The following LRRC4C variants were observed in gnomAD, a reference collection of about 807,000 sequenced individuals.
LRRC4C encodes the protein leucine-rich repeat-containing protein 4C.
LRRC4C carries 5 observed loss-of-function variants against 33.6 expected under a neutral mutation model. The ratio of observed to expected loss-of-function variants is 0.15; its 90% CI spans 0.08 to 0.31. The LOEUF is 0.31. Among genes scored for constraint, LRRC4C ranks in the 10% least tolerant of loss-of-function variants. LRRC4C has a pLI of 1.00. For missense variants in LRRC4C, 560 were observed against 796.7 expected (o/e 0.70, Z 3.58); for synonymous variants, 329 against 302.0 (o/e 1.09, Z -0.93).
intron 4 of LRRC4C, among the ~76,000 whole-genome samples, chr11:40,269,194 A>T (rs185427031): frequency 6.6e-6 from 1 of 152,322 alleles, no homozygotes; most frequent in East Asian, 1.9e-4. Flanking sequence ...ATGAGAAGCA[A>T]CAGCAATGGT....
At chr11:40,924,552 G>C (rs550253539) in intron 2 of LRRC4C, among the ~76,000 whole-genome samples, 1 of 152,212 alleles carries the variant, frequency 6.6e-6, no homozygotes, top group East Asian at 1.9e-4. Flanking sequence ...TGCAGTTAGA[G>C]AGAAAAAATA....
chr11:41,021,602 A>G (rs778342484), intron 1 of LRRC4C, among the ~76,000 whole-genome samples: 15 of 152,084 alleles, frequency 9.9e-5, no homozygotes, highest in Non-Finnish European at 1.8e-4. Flanking sequence ...TAGATATTCT[A>G]TCTCAAGATA....
chr11:40,162,907 C>G (rs1464167227), intron 5 of LRRC4C, among the ~76,000 whole-genome samples: 1 of 152,210 alleles, frequency 6.6e-6, no homozygotes, highest in Admixed American at 6.5e-5. Context: ...TAACTCTCAA[C>G]TCTCAGCCTT....
chr11:40,695,880 A>T (rs1185597277), intron 2 of LRRC4C, among the ~76,000 whole-genome samples: 1 of 151,904 alleles, frequency 6.6e-6, no homozygotes, highest in African/African-American at 2.4e-5. Context: ...ATTTAATCAC[A>T]TCTTCATAGT....
chr11:40,436,725 C>T (rs1951155035), intron 3 of LRRC4C, among the ~76,000 whole-genome samples: 2 of 152,174 alleles, frequency 1.3e-5, no homozygotes, highest in Non-Finnish European at 2.9e-5. Context: ...CGTAACACAC[C>T]AGCTGAGCTG....
intron 1 of LRRC4C, among the ~76,000 whole-genome samples, chr11:41,412,566 T>C (rs1954530318): frequency 6.6e-6 from 1 of 152,206 alleles, no homozygotes; most frequent in Non-Finnish European, 1.5e-5. Context: ...ACATCTTTCG[T>C]CTGTTCATTA....
At chr11:40,400,386 T>C (rs1004279488) in intron 3 of LRRC4C, among the ~76,000 whole-genome samples, 3 of 152,156 alleles carry the variant, frequency 2.0e-5, no homozygotes, top group African/African-American at 2.4e-5. Flanking sequence ...TTCTCTTTCA[T>C]CATTTTAAAA....
intron 3 of LRRC4C, among the ~76,000 whole-genome samples, chr11:40,354,074 A>T (rs1947543538): frequency 6.6e-6 from 1 of 152,166 alleles, no homozygotes; most frequent in South Asian, 2.1e-4. Context: ...GCATAAGGGG[A>T]CATCCTAAAT....
chr11:40,994,985 C>T (rs1018057972), intron 1 of LRRC4C, among the ~76,000 whole-genome samples: 2 of 152,036 alleles, frequency 1.3e-5, no homozygotes, highest in Admixed American at 1.3e-4. Context: ...GCAAAAATGG[C>T]CAGAGGTGAA....
chr11:40,656,239 A>T (rs779892062), intron 2 of LRRC4C, among the ~76,000 whole-genome samples: 1 of 150,590 alleles, frequency 6.6e-6, no homozygotes, highest in African/African-American at 2.4e-5. Flanking sequence ...TTGTCCACTC[A>T]TCTCTAATCC....
chr11:41,059,210 G>GTTTTTTTTTGTT (rs1555056812), intron 1 of LRRC4C, among the ~76,000 whole-genome samples: 2 of 125,220 alleles, frequency 1.6e-5, no homozygotes, highest in South Asian at 5.1e-4. Context: ...TAAAATAAAA[G>GTTTTTTTTTGTT]TTTTTTTTTT....
At chr11:41,297,785 A>G (rs955384415) in intron 1 of LRRC4C, among the ~76,000 whole-genome samples, 1 of 152,230 alleles carries the variant, frequency 6.6e-6, no homozygotes, top group Non-Finnish European at 1.5e-5. Context: ...ATCCTTTTCA[A>G]TATAATGATA....
chr11:40,711,137 C>T lies in LRRC4C; in HGVS notation c.-406-62859G>A, dbSNP rs1371917233. On this transcript the variant is annotated intron_variant, in intron 2 of 6. Coordinates refer to ENST00000528697, the MANE Select transcript of LRRC4C (RefSeq NM_001258419.2). ...GCTAGGAAAGGGAAATCCCCCGACC[C>T]CTTTCGCTTCCCGGGTGAAGTGACG... 2.0e-5 allele frequency among the ~76,000 whole-genome samples: 3 copies of T among 152,224 alleles called. No homozygotes were observed. The East Asian group carries it at 5.8e-4, about 29-fold the overall frequency.
chr11:40,971,067 A>C (rs181589142), intron 1 of LRRC4C, among the ~76,000 whole-genome samples: 2,212 of 152,318 alleles, frequency 0.015, 56 homozygotes, highest in African/African-American at 0.051. Context: ...GAAAATTTGC[A>C]GCCTGGCCAT....
rs1951456064 is a variant in LRRC4C, at chr11:41,336,438, TG to T, written c.-496+122992del. ...TTCAGTGGGAAAAAAAAATAAAAGGTGGGGAAAAAAAAAAATATCGGGGGCC... is the reference window on the plus strand; with the variant it reads ...TTCAGTGGGAAAAAAAAATAAAAGGTGGGAAAAAAAAAAATATCGGGGGCC... On this transcript the variant is annotated intron_variant, in intron 1 of 6. Transcript: ENST00000528697. Among the ~76,000 whole-genome samples the T allele has an allele frequency of 3.4e-5, 4 of 116,006 alleles. No individual in the cohort carries two copies. In the South Asian group the frequency reaches 1.0e-3, roughly 29 times the overall value. The allele number at this position is 116,006 out of a possible 152,430, so 76.1% of individuals were successfully genotyped here. A position where few individuals can be genotyped will look rare whatever the true frequency, so the allele number is the denominator to read the frequency against.
At chr11:40,749,458 CAAA>C (rs68018605) in intron 2 of LRRC4C, among the ~76,000 whole-genome samples, 46 of 125,342 alleles carry the variant, frequency 3.7e-4, no homozygotes, top group Admixed American at 7.2e-4. Context: ...CTATGAGATA[CAAA>C]AAAAAAAAAA....
chr11:40,310,514 G>A (rs557213570), intron 4 of LRRC4C, among the ~76,000 whole-genome samples: 9 of 152,110 alleles, frequency 5.9e-5, no homozygotes, highest in Non-Finnish European at 1.0e-4. Context: ...CTCTATAATC[G>A]TGCATCAATC....
chr11:41,287,012 C>A (rs970818899), intron 1 of LRRC4C, among the ~76,000 whole-genome samples: 5 of 152,126 alleles, frequency 3.3e-5, no homozygotes, highest in Admixed American at 6.5e-5. Context: ...ACCTACATAC[C>A]AAGAACATTA....
chr11:41,188,046 C>T (rs1945773850), intron 1 of LRRC4C, among the ~76,000 whole-genome samples: 1 of 103,254 alleles, frequency 9.7e-6, no homozygotes, highest in Non-Finnish European at 2.7e-5. Flanking sequence ...CAAGAGTGAA[C>T]TCAAAGAGAC....
Sources: gnomAD v4.1 joint callset for allele counts (sites outside exome capture counted in the v4.1 genomes callset) on GRCh38, gnomAD v4.1.1 for gene constraint, MANE v1.5 for transcripts, NCBI Gene and HGNC (gene_info 2026-07-23, HGNC 2026-07-21) for gene names.